The following RPL22 variants were observed in gnomAD, a reference collection of about 807,000 sequenced individuals.
The protein encoded by RPL22 is ribosomal protein L22, also known as large ribosomal subunit protein eL22.
RPL22 carries 4 observed loss-of-function variants against 16.2 expected under a neutral mutation model. That is an observed-to-expected ratio of 0.25 (90% CI 0.12 to 0.57). The LOEUF (loss-of-function observed/expected upper bound fraction) is 0.57. Among genes scored for constraint, RPL22 ranks in the 20% least tolerant of loss-of-function variants. The probability of loss-of-function intolerance (pLI) is 0.92; values close to 1 mark genes in which losing one functional copy is unlikely to be tolerated. For missense variants in RPL22, 83 were observed against 156.1 expected (o/e 0.53, Z 2.49); for synonymous variants, 43 against 54.8 (o/e 0.78, Z 0.95).
chr1:6,185,442 T>C lies in RPL22; in HGVS notation c.*1230A>G. 2.5e-6 allele frequency: 1 copy of C among 398,758 alleles called. No individual in the cohort carries two copies. The highest frequency in any genetic ancestry group is 4.4e-6 in the Non-Finnish European group (1 of 225,918). 24.7% of individuals were successfully genotyped at this position (398,758 alleles called of 1,614,324 possible). A position where few individuals can be genotyped will look rare whatever the true frequency, so the allele number is the denominator to read the frequency against. On this transcript the variant is annotated 3_prime_UTR_variant, in exon 4 of 4. Coordinates refer to ENST00000234875, the MANE Select transcript of RPL22 (RefSeq NM_000983.4). ...AAAATGCCAGAGCCTTTAACACAAG[T>C]GAAATTGCAAAGCCTCAACACGTTC...
chr1:6,193,280 T>C (rs945172646), intron 2 of RPL22, among the ~76,000 whole-genome samples: 4 of 151,730 alleles, frequency 2.6e-5, no homozygotes, highest in Admixed American at 2.0e-4. Flanking sequence ...AGTGCTAGGA[T>C]TACGGGCATG....
At chr1:6,194,919 A>G (rs1667695232) in intron 2 of RPL22, among the ~76,000 whole-genome samples, 1 of 152,158 alleles carries the variant, frequency 6.6e-6, no homozygotes, top group Non-Finnish European at 1.5e-5. Context: ...TGGGCAGATC[A>G]CGAGGTCAGG....
intron 3 of RPL22, among the ~76,000 whole-genome samples, chr1:6,187,158 AT>A (rs764744658): frequency 7.9e-5 from 12 of 151,944 alleles, no homozygotes; most frequent in Non-Finnish European, 1.3e-4. Flanking sequence ...AAATAAAAAA[AT>A]TAGCTGGGCG....
chr1:6,192,910 C>T lies in RPL22; in HGVS notation c.242+20G>A. 1 of 1,612,146 alleles carries T rather than the reference C, an allele frequency of 6.2e-7. No homozygotes were observed. Among genetic ancestry groups the T allele is most frequent in the Non-Finnish European group, 8.5e-7 (1 of 1,179,812 alleles). On this transcript the variant is annotated intron_variant, in intron 3 of 3. Transcript: ENST00000234875. ...GGGCACTGGGTGCACGCAGGCCACA[C>T]ACACACTTCCCTCCTGTACCTTTTG...
Position 6,194,281 on chromosome 1 carries a change from A to G in RPL22, c.118-1227T>C, listed in dbSNP as rs140622361. 3.3e-3 allele frequency among the ~76,000 whole-genome samples: 508 copies of G among 152,384 alleles called. 5 individuals are homozygous for G. The highest frequency in any genetic ancestry group is 0.012 in the African/African-American group (498 of 41,590). Reference sequence around the variant, plus strand: ...AAAGCAACTTCTGAATCTAAGGAGTATAAAACACTGTTCACAGCACTATCA... The same window carrying G: ...AAAGCAACTTCTGAATCTAAGGAGTGTAAAACACTGTTCACAGCACTATCA... On this transcript the variant is annotated intron_variant, in intron 2 of 3. Transcript: ENST00000234875.
chr1:6,197,221 G>A (rs1055781024), intron 2 of RPL22, among the ~76,000 whole-genome samples: 12 of 152,138 alleles, frequency 7.9e-5, no homozygotes, highest in African/African-American at 2.2e-4. Context: ...TAGTGGAGAC[G>A]GGGTTTCACT....
At chr1:6,199,461 C>T (rs1667766403) in intron 1 of RPL22, 101 bp downstream of exon 1, 1 of 1,493,592 alleles carries the variant, frequency 6.7e-7, no homozygotes, top group Non-Finnish European at 9.0e-7. Flanking sequence ...CCCAGCAGGA[C>T]GCTGCAGGGC....
chr1:6,197,528 A>G lies in RPL22; in HGVS notation c.117+124T>C, dbSNP rs1571189106. ...AATCTGCCCACATTCCCAGGGTGAG[A>G]TGATACAGCCAGACCTGTGAAGCTG... is the stretch of plus-strand genomic sequence containing the variant. On this transcript the variant is annotated intron_variant, in intron 2 of 3. Transcript: ENST00000234875. 7 of 641,348 alleles carry G rather than the reference A, an allele frequency of 1.1e-5. No individual in the cohort carries two copies. The East Asian group carries it at 1.9e-4, about 18-fold the overall frequency. The allele number at this position is 641,348 out of a possible 1,614,324, so 39.7% of individuals were successfully genotyped here.
At chr1:6,196,771 G>A (rs554990995) in intron 2 of RPL22, among the ~76,000 whole-genome samples, 4 of 151,508 alleles carry the variant, frequency 2.6e-5, no homozygotes, top group African/African-American at 7.3e-5. Flanking sequence ...TCAGCACAGA[G>A]CAAGATCTGA....
chr1:6,185,067 C>A lies in RPL22; in HGVS notation c.*1605G>T. ...TAGCCACTTTAATAGAAAATATGATCAAAACTCGATTACAAGAGTTCAAAA... is the reference window on the plus strand; with the variant it reads ...TAGCCACTTTAATAGAAAATATGATAAAAACTCGATTACAAGAGTTCAAAA... On this transcript the variant is annotated 3_prime_UTR_variant, in exon 4 of 4. Coordinates refer to ENST00000234875, the MANE Select transcript of RPL22 (RefSeq NM_000983.4). The A allele has an allele frequency of 2.8e-6, 1 of 358,836 alleles. No individual in the cohort carries two copies. The highest frequency in any genetic ancestry group is 5.0e-6 in the Non-Finnish European group (1 of 201,858). 22.2% of individuals were successfully genotyped at this position (358,836 alleles called of 1,614,324 possible).
intron 3 of RPL22, among the ~76,000 whole-genome samples, chr1:6,189,578 A>G (rs1327304357): frequency 4.0e-5 from 6 of 150,582 alleles, no homozygotes; most frequent in Non-Finnish European, 7.4e-5. Context: ...AAAAAAAAAA[A>G]TCCCTAATAG....
chr1:6,196,548 C>T (rs1217060834), intron 2 of RPL22, among the ~76,000 whole-genome samples: 3 of 152,114 alleles, frequency 2.0e-5, no homozygotes, highest in Non-Finnish European at 4.4e-5. Flanking sequence ...AATAGTTCAA[C>T]CTTCTGGAGA....
At chr1:6,194,794 G>A (rs1170798021) in intron 2 of RPL22, among the ~76,000 whole-genome samples, 2 of 152,048 alleles carry the variant, frequency 1.3e-5, no homozygotes, top group Admixed American at 1.3e-4. Context: ...AGGCTGAGGT[G>A]GGAGGATCAC....
At chr1:6,196,992 G>A (rs955569674) in intron 2 of RPL22, among the ~76,000 whole-genome samples, 5 of 152,174 alleles carry the variant, frequency 3.3e-5, no homozygotes, top group African/African-American at 7.2e-5. Flanking sequence ...CAAGGGGGAT[G>A]CCATGGACCC....
chr1:6,198,639 T>A (rs1304038775), intron 1 of RPL22: 1 of 152,254 alleles, frequency 6.6e-6, no homozygotes, highest in Non-Finnish European at 1.5e-5. Context: ...CTAAAACTTG[T>A]GTTAACTGGA....
intron 1 of RPL22, chr1:6,199,351 C>A: frequency 3.1e-6 from 4 of 1,307,724 alleles, no homozygotes; most frequent in Non-Finnish European, 2.9e-6. Flanking sequence ...CCGAGACCTC[C>A]CGGATCTCCC....
chr1:6,188,477 T>C (rs1410804967), intron 3 of RPL22, among the ~76,000 whole-genome samples: 1 of 151,554 alleles, frequency 6.6e-6, no homozygotes, highest in Non-Finnish European at 1.5e-5. Flanking sequence ...ATCCCTTGAA[T>C]CTAGGAGTTC....
intron 3 of RPL22, among the ~76,000 whole-genome samples, chr1:6,192,051 T>C (rs1667659246): frequency 2.1e-5 from 3 of 140,764 alleles, no homozygotes; most frequent in Admixed American, 2.1e-4. Context: ...CAGGAGGCAA[T>C]TTTTTTTTTT....
intron 3 of RPL22, among the ~76,000 whole-genome samples, chr1:6,187,301 G>A (rs1436661726): frequency 6.7e-6 from 1 of 148,596 alleles, no homozygotes; most frequent in East Asian, 2.0e-4. Context: ...GAGCAAGACT[G>A]CCTCCAAAAA....
Sources: allele counts gnomAD v4.1 joint callset (sites outside exome capture counted in the v4.1 genomes callset), GRCh38; gene constraint gnomAD v4.1.1; transcripts MANE v1.5; gene names NCBI Gene and HGNC (gene_info 2026-07-23, HGNC 2026-07-21).